Variants in EIF5B observed in about 807,000 individuals in gnomAD.
EIF5B encodes eukaryotic translation initiation factor 5B, also known as eIF-5B.
In EIF5B, 47 loss-of-function variants were observed where a neutral mutation model predicts 147.5. That is an observed-to-expected ratio of 0.32 (90% CI 0.25 to 0.41). The LOEUF is 0.41. EIF5B is among the 10% of genes least tolerant of loss of function. The pLI is 1.00. For missense variants in EIF5B, 1,064 were observed against 1,413.2 expected (o/e 0.75, Z 3.96); for synonymous variants, 455 against 456.2 (o/e 1.00, Z 0.03).
intron 3 of EIF5B, 96 bp downstream of exon 3, chr2:99,360,645 G>A: frequency 8.6e-7 from 1 of 1,157,576 alleles, no homozygotes; most frequent in African/African-American, 1.6e-5. Flanking sequence ...CTTTTGAGCA[G>A]TGTACAATAT....
At chr2:99,371,419 C>T (rs946812256) in intron 8 of EIF5B, among the ~76,000 whole-genome samples, 25 of 148,926 alleles carry the variant, frequency 1.7e-4, no homozygotes, top group East Asian at 6.0e-4. Context: ...ACCCGGAAGG[C>T]GGAGCTTGCA....
intron 1 of EIF5B, among the ~76,000 whole-genome samples, chr2:99,340,292 AAC>A (rs1432284853): frequency 2.6e-5 from 4 of 152,224 alleles, no homozygotes; most frequent in Non-Finnish European, 4.4e-5. Flanking sequence ...ATGGGACAAA[AAC>A]ACAGACTGGA....
At chr2:99,380,735 A>G (rs1674670948) in intron 12 of EIF5B, among the ~76,000 whole-genome samples, 1 of 152,120 alleles carries the variant, frequency 6.6e-6, no homozygotes, top group African/African-American at 2.4e-5. Flanking sequence ...TCTGCATGTA[A>G]AAAGAGTCTA....
rs1260177230 is a variant in EIF5B, at chr2:99,361,328, T to C, written c.427T>C (p.Phe143Leu). 6.2e-7 allele frequency: 1 copy of C among 1,609,674 alleles called. No individual in the cohort carries two copies. The highest frequency in any genetic ancestry group is 2.2e-5 in the East Asian group (1 of 44,836). The change falls in exon 4 of 24, where the codon TTT (phenylalanine) becomes CTT (leucine). Residue 143 changes from phenylalanine to leucine, a missense_variant. This residue lies in a region of EIF5B where 458 missense variants were observed against 451.3 expected (regional missense o/e 1.01). Coordinates refer to ENST00000289371, the MANE Select transcript of EIF5B (RefSeq NM_015904.4). ...CTCTGGGAGTGATGATGATGATGAT[T>C]TTAACAAACTTCCTAAAAAAGCTAA... The part of the protein sequence containing the change: ...MYSGSDDDDD[F>L]NKLPKKAKGK...
rs776429734 is a variant in EIF5B, at chr2:99,376,497, A to G, written c.1703A>G (p.Lys568Arg). The change falls in exon 10 of 24, where the codon AAG (lysine) becomes AGG (arginine). Residue 568 changes from lysine (K) to arginine (R), a missense_variant. Around this residue, in one of 4 missense-constraint regions of EIF5B, gnomAD observed 195 missense variants for 186.3 expected, o/e 1.05. Coordinates refer to ENST00000289371, the MANE Select transcript of EIF5B (RefSeq NM_015904.4). ...AGTGAAGGTGATGAGGAAGATGAAA[A>G]GGTGTCAGATGAGAAGGATTCAGGG... ...EGSEGDEEDE[K>R]VSDEKDSGKT... 6.2e-7 allele frequency: 1 copy of G among 1,613,866 alleles called. No individual in the cohort carries two copies. Among genetic ancestry groups the G allele is most frequent in the East Asian group, 2.2e-5 (1 of 44,854 alleles).
chr2:99,399,583 C>T lies in EIF5B; in HGVS notation c.*169C>T. ...TTTCCATGAGAAACCAAGAAACTTA[C>T]ACTGGTTTGACAGTGGTCAGTTACA... On this transcript the variant is annotated 3_prime_UTR_variant, in exon 24 of 24. Coordinates refer to ENST00000289371, the MANE Select transcript of EIF5B (RefSeq NM_015904.4). 1 of 602,460 alleles carries T rather than the reference C, an allele frequency of 1.7e-6. No homozygotes were observed. Among genetic ancestry groups the T allele is most frequent in the East Asian group, 3.1e-5 (1 of 32,716 alleles). The allele number at this position is 602,460 out of a possible 1,614,324, so 37.3% of individuals were successfully genotyped here.
intron 1 of EIF5B, among the ~76,000 whole-genome samples, chr2:99,349,917 C>T (rs967422726): frequency 1.3e-5 from 2 of 152,178 alleles, no homozygotes; most frequent in African/African-American, 4.8e-5. Flanking sequence ...CTAACTGTAA[C>T]TTGACCAACC....
chr2:99,376,784 G>A (rs1033945742), intron 10 of EIF5B, 148 bp downstream of exon 10: 6 of 1,326,750 alleles, frequency 4.5e-6, no homozygotes, highest in Non-Finnish European at 3.9e-6. Flanking sequence ...AAATATTACT[G>A]GCCTTTGATA....
Position 99,400,379 on chromosome 2 carries a change from T to G in EIF5B, c.*965T>G, listed in dbSNP as rs1675205889. 1 of 152,224 alleles carries G rather than the reference T, an allele frequency of 6.6e-6. No homozygotes were observed. Among genetic ancestry groups the G allele is most frequent in the African/African-American group, 2.4e-5 (1 of 41,448 alleles). 9.4% of individuals were successfully genotyped at this position (152,224 alleles called of 1,614,324 possible). A position where few individuals can be genotyped will look rare whatever the true frequency, so the allele number is the denominator to read the frequency against. On this transcript the variant is annotated 3_prime_UTR_variant, in exon 24 of 24. Transcript: ENST00000289371. ...TTGTTGCAGACACAAAACTTAATGA[T>G]TCATTCGTAGTAGTAATCTGTAGCT... is the stretch of plus-strand genomic sequence containing the variant.
intron 12 of EIF5B, among the ~76,000 whole-genome samples, chr2:99,379,975 T>C (rs545786619): frequency 6.6e-6 from 1 of 152,162 alleles, no homozygotes; most frequent in African/African-American, 2.4e-5. Context: ...CAATCAAAGA[T>C]CTCTTCTCCA....
intron 1 of EIF5B, chr2:99,340,791 A>G (rs2094257645): frequency 6.7e-6 from 1 of 149,678 alleles, no homozygotes; most frequent in African/African-American, 2.5e-5. Context: ...TTTTTTTGAG[A>G]TGGAGTCTTG....
Position 99,361,563 on chromosome 2 carries a change from C to T in EIF5B, c.662C>T (p.Ala221Val). 6.2e-7 allele frequency: 1 copy of T among 1,612,318 alleles called. No individual in the cohort carries two copies. Among genetic ancestry groups the T allele is most frequent in the Non-Finnish European group, 8.5e-7 (1 of 1,179,650 alleles). ...NIESGNEDDDASFKIKTVAQK... is the reference protein window; with the variant it reads ...NIESGNEDDDVSFKIKTVAQK... ...GAAAGTGGGAATGAAGATGATGACGCCTCCTTCAAAATTAAGACAGTGGCC... is the reference window on the plus strand; with the variant it reads ...GAAAGTGGGAATGAAGATGATGACGTCTCCTTCAAAATTAAGACAGTGGCC... Residue 221 changes from alanine (A) to valine (V), a missense_variant, in exon 4 of 24, where the codon GCC (alanine) becomes GTC (valine). By Grantham distance (64) the Ala-to-Val change is moderately conservative. This residue lies in a region of EIF5B where 458 missense variants were observed against 451.3 expected (regional missense o/e 1.01). Coordinates refer to ENST00000289371, the MANE Select transcript of EIF5B (RefSeq NM_015904.4).
chr2:99,379,213 T>A (rs1236904095), intron 11 of EIF5B, 87 bp downstream of exon 11: 3 of 1,406,214 alleles, frequency 2.1e-6, no homozygotes, highest in Non-Finnish European at 2.9e-6. Flanking sequence ...CAATAGGACA[T>A]ATAAGCAATT....
rs3791214 is a variant in EIF5B, at chr2:99,366,311, A to G, written c.1288+1890A>G. The stretch of plus-strand genomic sequence containing the variant: ...TTAAGTCTAGGGTGTTATTGGGACC[A>G]CCCTTCAGGTAATCCAGCCTACAGT... On this transcript the variant is annotated intron_variant, in intron 6 of 23. Coordinates refer to ENST00000289371, the MANE Select transcript of EIF5B (RefSeq NM_015904.4). Among the ~76,000 whole-genome samples the G allele has an allele frequency of 3.4e-4, 52 of 152,242 alleles. 2 individuals are homozygous for G. In the East Asian group the frequency reaches 4.8e-3, roughly 14 times the overall value.
chr2:99,354,824 A>T (rs1674060300), intron 1 of EIF5B, among the ~76,000 whole-genome samples: 3 of 100,742 alleles, frequency 3.0e-5, no homozygotes, highest in East Asian at 5.8e-4. Context: ...TTTTTTTGAG[A>T]CAGTGTTTCC....
chr2:99,352,400 G>A (rs1196761271), intron 1 of EIF5B, among the ~76,000 whole-genome samples: 2 of 151,390 alleles, frequency 1.3e-5, no homozygotes, highest in African/African-American at 2.4e-5. Context: ...TTGCCATGTT[G>A]GTCAGGCTGG....
At chr2:99,371,350 C>T (rs1287664246) in intron 8 of EIF5B, among the ~76,000 whole-genome samples, 5 of 151,804 alleles carry the variant, frequency 3.3e-5, no homozygotes, top group African/African-American at 4.8e-5. Context: ...TAGCTGGCCA[C>T]GGTGGCGGGC....
chr2:99,370,504 A>G (rs560492116), intron 8 of EIF5B, among the ~76,000 whole-genome samples: 82 of 152,316 alleles, frequency 5.4e-4, no homozygotes, highest in Non-Finnish European at 2.2e-4. Flanking sequence ...GGTAGACCTC[A>G]GCCTAGCACT....
intron 17 of EIF5B, among the ~76,000 whole-genome samples, chr2:99,392,707 G>T (rs184020510): frequency 3.3e-5 from 5 of 151,884 alleles, no homozygotes; most frequent in African/African-American, 1.2e-4. Flanking sequence ...ATTTATATGC[G>T]CTTATATATT....
Sources: allele counts gnomAD v4.1 joint callset (sites outside exome capture counted in the v4.1 genomes callset), GRCh38; gene constraint gnomAD v4.1.1; regional missense constraint gnomAD v4.1.1; transcripts MANE v1.5; gene names NCBI Gene and HGNC (gene_info 2026-07-23, HGNC 2026-07-21).